The following TEX11 variants were observed in gnomAD, a reference collection of about 807,000 sequenced individuals.
The protein encoded by TEX11 is testis-expressed protein 11.
A neutral mutation model predicts 84.4 loss-of-function variants in TEX11; 7 were observed. The ratio of observed to expected loss-of-function variants is 0.08; its 90% CI spans 0.05 to 0.16. The LOEUF (loss-of-function observed/expected upper bound fraction) is 0.16, where lower values mean the gene tolerates loss of function less well. Ranked by LOEUF, TEX11 falls within the 10% of genes least tolerant of loss-of-function variation. TEX11 has a pLI of 1.00. For missense variants in TEX11, 551 were observed against 660.5 expected (o/e 0.83, Z 1.82); for synonymous variants, 264 against 222.8 (o/e 1.18, Z -1.64).
chrX:70,639,644 C>G (rs1186935988), intron 17 of TEX11, among the ~76,000 whole-genome samples: 1 of 111,473 alleles, frequency 9.0e-6, no homozygotes, highest in African/African-American at 3.3e-5. Context: ...GGGAGGCACC[C>G]TCCAGCAGGG....
At chrX:70,547,136 C>T (rs1328317132) in intron 28 of TEX11, among the ~76,000 whole-genome samples, 1 of 108,266 alleles carries the variant, frequency 9.2e-6, no homozygotes, top group African/African-American at 3.4e-5. Context: ...CAAGAGGCCA[C>T]GTATTATATA....
intron 27 of TEX11, 86 bp from the exon 28 acceptor site, chrX:70,552,332 C>A: frequency 9.3e-7 from 1 of 1,073,061 alleles, no homozygotes; most frequent in South Asian, 2.4e-5. Flanking sequence ...GGATCTCATC[C>A]CAGACTAACA....
At chrX:70,589,089 T>C in intron 25 of TEX11, among the ~76,000 whole-genome samples, 1 of 110,961 alleles carries the variant, frequency 9.0e-6, no homozygotes, top group South Asian at 3.8e-4. Context: ...AATTTAAAAA[T>C]AGATAGTGGT....
intron 7 of TEX11, among the ~76,000 whole-genome samples, chrX:70,849,766 G>A (rs1283085150): frequency 8.9e-6 from 1 of 112,044 alleles, no homozygotes; most frequent in Non-Finnish European, 1.9e-5. Flanking sequence ...ACTTATCAAA[G>A]TCAAGAATTA....
At chrX:70,650,405 A>C (rs1421532403) in intron 17 of TEX11, among the ~76,000 whole-genome samples, 2 of 111,776 alleles carry the variant, frequency 1.8e-5, no homozygotes, top group East Asian at 5.6e-4. Flanking sequence ...ATAATGTTAA[A>C]ACAAAAGATT....
At chrX:70,541,012 G>C (rs916766727) in intron 28 of TEX11, among the ~76,000 whole-genome samples, 2 of 110,919 alleles carry the variant, frequency 1.8e-5, no homozygotes, top group African/African-American at 6.6e-5. Flanking sequence ...CCAGGAGTTT[G>C]AGACCATCTC....
intron 4 of TEX11, among the ~76,000 whole-genome samples, chrX:70,865,331 C>A: frequency 8.9e-6 from 1 of 111,933 alleles, no homozygotes; most frequent in Non-Finnish European, 1.9e-5. Context: ...ATCAATTCAA[C>A]AAGAAGAGCT....
intron 2 of TEX11, among the ~76,000 whole-genome samples, chrX:70,883,217 T>G (rs912973432): frequency 3.6e-5 from 4 of 111,735 alleles, no homozygotes; most frequent in African/African-American, 1.3e-4. Context: ...CTCTTGGGCT[T>G]AAGTGATCCT....
intron 16 of TEX11, among the ~76,000 whole-genome samples, chrX:70,662,992 T>C (rs1210656032): frequency 8.9e-6 from 1 of 111,868 alleles, no homozygotes; most frequent in African/African-American, 3.2e-5. Context: ...TGCATTTTTG[T>C]ATGTAAATTA....
intron 7 of TEX11, chrX:70,846,371 C>CT (rs1196855702): frequency 8.9e-6 from 1 of 112,271 alleles, no homozygotes; most frequent in African/African-American, 3.2e-5. Context: ...GCTAGTGCCA[C>CT]TATCCTGATT....
intron 2 of TEX11, among the ~76,000 whole-genome samples, chrX:70,900,453 G>T (rs2091797233): frequency 3.8e-5 from 4 of 105,705 alleles, no homozygotes; most frequent in African/African-American, 1.4e-4. Context: ...TGGAAACACA[G>T]CATACCAAAA....
rs750185098 is a variant in TEX11 at position 70,731,067 on chromosome X, A to G, written c.844-5724T>C. On this transcript the variant is annotated intron_variant, in intron 11 of 29. Transcript: ENST00000374333. Reference sequence around the variant, plus strand: ...CCTGAATGACTACTGGGTACATAACAAAATAAAGACAGAAATAAAGACGTT... The same window carrying G: ...CCTGAATGACTACTGGGTACATAACGAAATAAAGACAGAAATAAAGACGTT... Among the ~76,000 whole-genome samples, 673 of 112,009 alleles carry G rather than the reference A, an allele frequency of 6.0e-3. 4 individuals are homozygous for G. Among genetic ancestry groups the G allele is most frequent in the Non-Finnish European group, 0.01 (546 of 53,159 alleles).
intron 28 of TEX11, among the ~76,000 whole-genome samples, chrX:70,537,089 A>G (rs1252633711): frequency 9.0e-6 from 1 of 111,472 alleles, no homozygotes; most frequent in Non-Finnish European, 1.9e-5. Context: ...CTTTTGAAAA[A>G]AGAGGAAAGG....
chrX:70,656,267 A>C (rs1186923862), intron 16 of TEX11, among the ~76,000 whole-genome samples: 1 of 77,476 alleles, frequency 1.3e-5, no homozygotes, highest in Non-Finnish European at 3.1e-5. Context: ...TCAACAAAAA[A>C]ATTTTTTTAA....
intron 9 of TEX11, among the ~76,000 whole-genome samples, chrX:70,754,220 G>A (rs1266099337): frequency 1.8e-5 from 2 of 109,916 alleles, no homozygotes; most frequent in Admixed American, 9.7e-5. Context: ...TGCTGTGAAG[G>A]GTGAGTCCCA....
chrX:70,749,839 G>A (rs1370498850), intron 9 of TEX11, among the ~76,000 whole-genome samples: 2 of 109,979 alleles, frequency 1.8e-5, no homozygotes, highest in South Asian at 4.0e-4. Context: ...TTTTATCGAG[G>A]ATTTTTGCAT....
At chrX:70,723,442 T>A (rs1356018596) in intron 12 of TEX11, among the ~76,000 whole-genome samples, 1 of 111,301 alleles carries the variant, frequency 9.0e-6, no homozygotes, top group East Asian at 2.8e-4. Context: ...AAGTGAAAAA[T>A]TAGAAAGCAA....
At chrX:70,729,556 T>C (rs2090628063) in intron 11 of TEX11, among the ~76,000 whole-genome samples, 1 of 111,306 alleles carries the variant, frequency 9.0e-6, no homozygotes, top group African/African-American at 3.3e-5. Flanking sequence ...AAAAAGGGTA[T>C]CAGTGATGGA....
intron 9 of TEX11, among the ~76,000 whole-genome samples, chrX:70,754,891 A>G (rs1363466566): frequency 1.8e-5 from 2 of 112,342 alleles, no homozygotes; most frequent in Non-Finnish European, 3.8e-5. Flanking sequence ...TAGTACCTCT[A>G]TATGTCTACA....
Sources: gnomAD v4.1 joint callset for allele counts (sites outside exome capture counted in the v4.1 genomes callset) on GRCh38, gnomAD v4.1.1 for gene constraint, MANE v1.5 for transcripts, NCBI Gene and HGNC (gene_info 2026-07-23, HGNC 2026-07-21) for gene names.